Variants in CSDE1 observed in about 807,000 individuals in gnomAD.
CSDE1 encodes cold shock domain containing E1.
A neutral mutation model predicts 89.3 loss-of-function variants in CSDE1; 17 were observed. The ratio of observed to expected loss-of-function variants is 0.19; its 90% CI spans 0.13 to 0.29. The LOEUF is 0.29. Ranked by LOEUF, CSDE1 falls within the 10% of genes least tolerant of loss-of-function variation. The pLI is 1.00. For synonymous variants in CSDE1, 322 were observed against 332.8 expected, an observed-to-expected ratio of 0.97 and a Z score of 0.35; for missense variants, 672 against 984.2, an observed-to-expected ratio of 0.68 and a Z score of 4.24.
intron 12 of CSDE1, among the ~76,000 whole-genome samples, chr1:114,729,574 C>G (rs1366928817): frequency 4.0e-5 from 6 of 151,556 alleles, no homozygotes; most frequent in Admixed American, 3.3e-4. Context: ...TAAAGAAACC[C>G]TGAATTTTTC....
At chr1:114,742,142 T>A (rs1427187520) in intron 2 of CSDE1, among the ~76,000 whole-genome samples, 10 of 152,200 alleles carry the variant, frequency 6.6e-5, no homozygotes, top group African/African-American at 2.2e-4. Flanking sequence ...TCTATGAGTA[T>A]CATGTATTAC....
At chr1:114,739,522 A>C (rs1660604319) in intron 3 of CSDE1, among the ~76,000 whole-genome samples, 170 bp downstream of exon 3, 1 of 152,252 alleles carries the variant, frequency 6.6e-6, no homozygotes, top group South Asian at 2.1e-4. Flanking sequence ...TGCAAATATA[A>C]TCTTTCAAGG....
intron 15 of CSDE1, chr1:114,724,205 C>G (rs1009122295): frequency 8.0e-6 from 3 of 373,890 alleles, no homozygotes; most frequent in African/African-American, 6.3e-5. Context: ...AAAATGCCTG[C>G]TTTTCCTAAA....
intron 17 of CSDE1, 150 bp downstream of exon 17, chr1:114,720,389 T>C (rs901788268): frequency 1.4e-6 from 1 of 720,130 alleles, no homozygotes; most frequent in African/African-American, 1.8e-5. Flanking sequence ...TCTGTTTTTA[T>C]TAAGCTACCT....
intron 12 of CSDE1, among the ~76,000 whole-genome samples, chr1:114,729,098 G>A (rs1659959581): frequency 1.3e-5 from 2 of 151,798 alleles, no homozygotes; most frequent in African/African-American, 2.4e-5. Flanking sequence ...TACAGAACAA[G>A]GTCTAAATTT....
At chr1:114,751,153 A>G (rs1661286740) in intron 1 of CSDE1, among the ~76,000 whole-genome samples, 1 of 152,256 alleles carries the variant, frequency 6.6e-6, no homozygotes, top group African/African-American at 2.4e-5. Context: ...TAGTAAGCAA[A>G]CAGAAATCTC....
chr1:114,732,680 C>T lies in CSDE1; in HGVS notation c.974G>A (p.Arg325His), dbSNP rs1255615164. 1.2e-6 allele frequency: 2 copies of T among 1,614,050 alleles called. No individual in the cohort carries two copies. Among genetic ancestry groups the T allele is most frequent in the Non-Finnish European group, 8.5e-7 (1 of 1,180,038 alleles). ...HVRFNISTDR[R>H]DKLERATNIE... is the part of the protein sequence containing the mutation. ...ATTGGTTGCTCGCTCTAATTTGTCA[C>T]GTCGGTCTGTTGAAATATTAAACCT... Residue 325 changes from arginine (R) to histidine (H), a missense_variant, in exon 10 of 20, where the codon CGT (arginine) becomes CAT (histidine). Coordinates refer to ENST00000358528, the MANE Select transcript of CSDE1 (RefSeq NM_001007553.3).
At chr1:114,736,229 T>G (rs537691186) in intron 6 of CSDE1, among the ~76,000 whole-genome samples, 2 of 152,244 alleles carry the variant, frequency 1.3e-5, no homozygotes, top group Non-Finnish European at 2.9e-5. Context: ...TCACGTTAAC[T>G]CTCACATCAC....
chr1:114,735,145 G>T lies in CSDE1; in HGVS notation c.501-622C>A, dbSNP rs539463924. On this transcript the variant is annotated intron_variant, in intron 6 of 19. Transcript: ENST00000358528. The stretch of plus-strand genomic sequence containing the variant: ...TCCATTGGAGAATGGAAACAAGTTA[G>T]AGACACCACATGTTGCTTTTATGCC... 9.6e-4 allele frequency among the ~76,000 whole-genome samples: 146 copies of T among 152,300 alleles called. 1 individual carries two copies. The highest frequency in any genetic ancestry group is 3.3e-3 in the African/African-American group (136 of 41,570).
Position 114,724,119 on chromosome 1 carries a change from T to G in CSDE1, c.1754-117A>C, listed in dbSNP as rs1024247914. On this transcript the variant is annotated intron_variant, in intron 15 of 19. Coordinates refer to ENST00000358528, the MANE Select transcript of CSDE1 (RefSeq NM_001007553.3). ...ACAGGGTAGGTTGGCTGGCTGCTAT[T>G]GAAATGGGGTAGGGAACCTGAAGCC... is the stretch of plus-strand genomic sequence containing the variant. 2.6e-5 allele frequency: 29 copies of G among 1,124,288 alleles called. 1 individual carries two copies. The Admixed American group carries it at 6.1e-4, about 23-fold the overall frequency. The allele number at this position is 1,124,288 out of a possible 1,614,324, so 69.6% of individuals were successfully genotyped here.
Position 114,717,881 on chromosome 1 carries a change from G to A in CSDE1, c.*288C>T. On this transcript the variant is annotated 3_prime_UTR_variant, in exon 20 of 20. Transcript: ENST00000358528. ...CACTTACACAGGCAAAGTGGATTCT[G>A]CAATTACCAGTTGCGTTAAATGCAC... The A allele has an allele frequency of 2.5e-6, 1 of 399,872 alleles. No homozygotes were observed. Among genetic ancestry groups the A allele is most frequent in the Non-Finnish European group, 4.5e-6 (1 of 224,466 alleles). The allele number at this position is 399,872 out of a possible 1,614,324, so 24.8% of individuals were successfully genotyped here. A position where few individuals can be genotyped will look rare whatever the true frequency, so the allele number is the denominator to read the frequency against.
intron 6 of CSDE1, among the ~76,000 whole-genome samples, chr1:114,734,983 G>T (rs2101044901): frequency 6.6e-6 from 1 of 152,330 alleles, no homozygotes; most frequent in South Asian, 2.1e-4. Flanking sequence ...ATAAATAGGA[G>T]ATGGTCTCTA....
At chr1:114,743,761 G>A (rs994709538) in intron 2 of CSDE1, among the ~76,000 whole-genome samples, 3 of 152,160 alleles carry the variant, frequency 2.0e-5, no homozygotes, top group Non-Finnish European at 4.4e-5. Flanking sequence ...TCTACTGTTC[G>A]AGTCTCCGTC....
At chr1:114,718,446 C>T (rs1176687812) in intron 19 of CSDE1, among the ~76,000 whole-genome samples, 167 bp downstream of exon 19, 2 of 152,172 alleles carry the variant, frequency 1.3e-5, no homozygotes, top group Non-Finnish European at 2.9e-5. Context: ...CTGTAAGCAA[C>T]CATTAGGTTA....
intron 17 of CSDE1, chr1:114,720,112 A>C (rs1268065069): frequency 9.3e-6 from 2 of 216,180 alleles, no homozygotes; most frequent in Admixed American, 5.4e-5. Flanking sequence ...TGTACTGATG[A>C]AAAACATTCT....
intron 2 of CSDE1, chr1:114,748,523 T>C (rs1040348302): frequency 6.6e-6 from 1 of 152,250 alleles, no homozygotes; most frequent in African/African-American, 2.4e-5. Context: ...GATTGCTATC[T>C]AATGAACACA....
intron 1 of CSDE1, among the ~76,000 whole-genome samples, chr1:114,750,575 A>G (rs984661388): frequency 5.3e-5 from 8 of 152,208 alleles, no homozygotes; most frequent in Non-Finnish European, 1.0e-4. Flanking sequence ...TGCTGAAAAG[A>G]CAAGATGTAA....
At chr1:114,735,916 C>A (rs1394391637) in intron 6 of CSDE1, among the ~76,000 whole-genome samples, 1 of 152,084 alleles carries the variant, frequency 6.6e-6, no homozygotes, top group Non-Finnish European at 1.5e-5. Context: ...AGTCTCAGAC[C>A]TATACACGCA....
chr1:114,725,194 G>T, intron 15 of CSDE1, 27 bp downstream of exon 15: 3 of 1,566,404 alleles, frequency 1.9e-6, no homozygotes, highest in South Asian at 1.1e-5. Context: ...AAAAGCACAG[G>T]CTGAATAAGA....
Sources: gnomAD v4.1 joint callset for allele counts (sites outside exome capture counted in the v4.1 genomes callset) on GRCh38, gnomAD v4.1.1 for gene constraint, MANE v1.5 for transcripts, NCBI Gene and HGNC (gene_info 2026-07-23, HGNC 2026-07-21) for gene names.